URGCP: variants seen among roughly 807,000 people sequenced by gnomAD.
The protein encoded by URGCP is up-regulator of cell proliferation.
Under a neutral mutation model 24.6 loss-of-function variants are expected in URGCP, and 13 were observed. The ratio of observed to expected loss-of-function variants is 0.53; its 90% CI spans 0.34 to 0.84. The LOEUF is 0.84. URGCP is among the 40% of genes least tolerant of loss of function. The pLI is 0.01. For synonymous variants in URGCP, 444 were observed against 487.2 expected (o/e 0.91, Z 1.17); for missense variants, 899 against 1,194.3 (o/e 0.75, Z 3.64).
chr7:43,925,797 G>GTTTTTTTTTT (rs2095929053), intron 1 of URGCP, among the ~76,000 whole-genome samples: 1 of 37,532 alleles, frequency 2.7e-5, no homozygotes, highest in Non-Finnish European at 5.1e-5. Context: ...ACCTCGTCTG[G>GTTTTTTTTTT]CTTTTTTTTT....
intron 3 of URGCP, among the ~76,000 whole-genome samples, chr7:43,883,656 C>T (rs1264733732): frequency 1.3e-5 from 2 of 151,928 alleles, no homozygotes; most frequent in African/African-American, 2.4e-5. Flanking sequence ...CCACCTTGCC[C>T]GGCCCCAAAA....
At chr7:43,925,159 C>T (rs1301968652) in intron 1 of URGCP, among the ~76,000 whole-genome samples, 2 of 152,122 alleles carry the variant, frequency 1.3e-5, no homozygotes, top group African/African-American at 4.8e-5. Context: ...GTGTGGTAAG[C>T]TTTATATTTC....
intron 1 of URGCP, among the ~76,000 whole-genome samples, chr7:43,925,557 C>T (rs2095928400): frequency 6.6e-6 from 1 of 151,992 alleles, no homozygotes; most frequent in Admixed American, 6.6e-5. Flanking sequence ...TGGAGTGCAA[C>T]AGTGTGATCT....
At chr7:43,907,622 G>T (rs2095905577), upstream of URGCP, among the ~76,000 whole-genome samples, 1 of 152,198 alleles carries the variant, frequency 6.6e-6, no homozygotes, top group South Asian at 2.1e-4. Context: ...ACCTGTGTTG[G>T]AATCTGGGCT....
At chr7:43,896,559 T>A (rs1399097193) in intron 1 of URGCP, among the ~76,000 whole-genome samples, 1 of 151,934 alleles carries the variant, frequency 6.6e-6, no homozygotes, top group Admixed American at 6.6e-5. Flanking sequence ...ATTTATTACA[T>A]ACTTAGTGTC....
upstream of URGCP, chr7:43,926,688 G>A (rs1230029202): frequency 1.0e-6 from 1 of 958,828 alleles, no homozygotes; most frequent in Non-Finnish European, 1.4e-6. Flanking sequence ...GAAGGAGGCA[G>A]AACAGCCTCC....
rs181976184 is a variant in URGCP, at chr7:43,919,307, G to A, written c.-116+6825C>T. On this transcript the variant is annotated intron_variant, in intron 1 of 5. Coordinates refer to the URGCP transcript ENST00000426198. ...TGCAGAACGCAGACTGTGTGGTGGT[G>A]CTGCACAACACAGCCCTGAACCAGA... 60 of 829,380 alleles carry A rather than the reference G, an allele frequency of 7.2e-5. No homozygotes were observed. In the East Asian group the frequency reaches 1.4e-3, roughly 19 times the overall value. The allele number at this position is 829,380 out of a possible 1,614,324, so 51.4% of individuals were successfully genotyped here. A position where few individuals can be genotyped will look rare whatever the true frequency, so the allele number is the denominator to read the frequency against.
Position 43,877,102 on chromosome 7 carries a change from G to C in URGCP, c.2361C>G (p.Ile787Met). Residue 787 changes from isoleucine to methionine, a missense_variant, in exon 6 of 6, where the codon ATC (isoleucine) becomes ATG (methionine). Physicochemically the swap from Ile to Met is conservative, Grantham distance 10. Coordinates refer to ENST00000453200, the MANE Select transcript of URGCP (RefSeq NM_001077663.3). ...GAATGTCCTTGGTTTCAGCTAGACT[G>C]ATCACGGTGACATTGCTCAGTCCCA... ...LLMGLSNVTV[I>M]SLAETKDIPA... 1 of 1,614,240 alleles carries C rather than the reference G, an allele frequency of 6.2e-7. No individual in the cohort carries two copies. The highest frequency in any genetic ancestry group is 8.5e-7 in the Non-Finnish European group (1 of 1,180,036).
Position 43,881,659 on chromosome 7 carries a change from C to A in URGCP, c.202G>T (p.Val68Leu). Residue 68 changes from valine to leucine, a missense_variant and splice_region_variant, in exon 5 of 6, where the codon GTG becomes TTG. By Grantham distance (32) the Val-to-Leu change is conservative. Coordinates refer to ENST00000453200, the MANE Select transcript of URGCP (RefSeq NM_001077663.3). ...NEAQDNDFPT[V>L]ERSRLQEMLS... ...GAGAAAAGGCAGAGAAAATGCTTACCTGTTGGAAAATCATTGTCCTGAGCC... is the reference window on the plus strand; with the variant it reads ...GAGAAAAGGCAGAGAAAATGCTTACATGTTGGAAAATCATTGTCCTGAGCC... 4 of 1,614,010 alleles carry A rather than the reference C, an allele frequency of 2.5e-6. No homozygotes were observed. The highest frequency in any genetic ancestry group is 3.4e-6 in the Non-Finnish European group (4 of 1,180,016).
chr7:43,883,362 A>ATATTTTTTT (rs1554289259), intron 3 of URGCP, among the ~76,000 whole-genome samples: 8 of 88,282 alleles, frequency 9.1e-5, no homozygotes, highest in South Asian at 7.2e-4. Context: ...ATATATATAT[A>ATATTTTTTT]TTTTTTTTTT....
At position 43,906,587 on chromosome 7, in the gene URGCP, G is replaced by A; in HGVS notation, c.-12C>T. ...CCGGGCGACGCCATGAGCGCAGCGA[G>A]GTCTCCGCTCCCGCCTCCTTCGCTT... is the stretch of plus-strand genomic sequence containing the variant. On this transcript the variant is annotated 5_prime_UTR_variant, in exon 1 of 6. Coordinates refer to ENST00000453200, the MANE Select transcript of URGCP (RefSeq NM_001077663.3). The A allele has an allele frequency of 4.0e-6, 5 of 1,234,910 alleles. No homozygotes were observed. Among genetic ancestry groups the A allele is most frequent in the Non-Finnish European group, 5.1e-6 (5 of 980,906 alleles). 76.5% of individuals were successfully genotyped at this position (1,234,910 alleles called of 1,614,324 possible).
chr7:43,889,907 ATT>A (rs11386546), intron 1 of URGCP, among the ~76,000 whole-genome samples: 10 of 145,700 alleles, frequency 6.9e-5, no homozygotes, highest in African/African-American at 1.0e-4. Context: ...ACTGGAAGCA[ATT>A]TTTTTTTTTT....
chr7:43,906,530 C>CG, intron 1 of URGCP, 32 bp downstream of exon 1: 4 of 1,211,754 alleles, frequency 3.3e-6, no homozygotes, highest in Admixed American at 3.8e-5. Context: ...CCGGCAGCCG[C>CG]GGGGGCGCAG....
At chr7:43,880,410 C>CTAA (rs2095852081) in intron 5 of URGCP, among the ~76,000 whole-genome samples, 2 of 152,120 alleles carry the variant, frequency 1.3e-5, no homozygotes, top group Non-Finnish European at 2.9e-5. Context: ...CAGCACCTTA[C>CTAA]TAATGTTCAT....
At chr7:43,883,344 ATATATATATATATATATAT>A (rs2095857096) in intron 3 of URGCP, among the ~76,000 whole-genome samples, 3 of 99,608 alleles carry the variant, frequency 3.0e-5, no homozygotes, top group African/African-American at 1.5e-4. Context: ...ATACATATAT[ATATATATATATATATATAT>A]TTTTTTTTTT....
chr7:43,876,928 C>T lies in URGCP; in HGVS notation c.2535G>A (p.Leu845=). The T allele has an allele frequency of 3.1e-6, 5 of 1,614,100 alleles. No individual in the cohort carries two copies. The highest frequency in any genetic ancestry group is 4.2e-6 in the Non-Finnish European group (5 of 1,180,016). Residue 845 remains leucine, a synonymous_variant, in exon 6 of 6, where the codon CTG becomes CTA. Coordinates refer to ENST00000453200, the MANE Select transcript of URGCP (RefSeq NM_001077663.3). ...TCTCCATCTGGGCTGCAGCCCTGCT[C>T]AGGTCACCAGGTGGATCCAGGAGCT... ...KRQLLDPPGD[L]SRAAAQMEKQ...
rs888474380 is a variant in URGCP at position 43,891,844 on chromosome 7, G to A, written c.15-4028C>T. On this transcript the variant is annotated intron_variant, in intron 1 of 5. Coordinates refer to ENST00000453200, the MANE Select transcript of URGCP (RefSeq NM_001077663.3). ...GTCTCCCAGGCTGGAGTGCAGTGAC[G>A]CCATCTCGGCTCACTGTAACCTACG... 4.6e-5 allele frequency among the ~76,000 whole-genome samples: 7 copies of A among 151,098 alleles called. No individual in the cohort carries two copies. In the South Asian group the frequency reaches 1.3e-3, roughly 27 times the overall value.
Position 43,879,185 on chromosome 7 carries a change from T to G in URGCP, c.278A>C (p.Gln93Pro). The part of the protein sequence containing the change: ...ETYQVQKLSL[Q>P]DSLQISFDSM... ...GTCAAAACTGATCTGCAGAGAGTCC[T>G]GGAGGCTGAGTTTCTGGACCTGGTA... Residue 93 changes from glutamine to proline, a missense_variant, in exon 6 of 6, where the codon CAG (glutamine) becomes CCG (proline). Physicochemically the swap from Gln to Pro is moderately conservative, Grantham distance 76 (BLOSUM62 -1). Transcript: ENST00000453200. The G allele has an allele frequency of 6.2e-7, 1 of 1,614,018 alleles. No homozygotes were observed. Among genetic ancestry groups the G allele is most frequent in the Non-Finnish European group, 8.5e-7 (1 of 1,180,038 alleles).
In URGCP at chr7:43,899,518, A is replaced by C. The variant is rs370446881; in HGVS notation, c.14+7044T>G. On this transcript the variant is annotated intron_variant, in intron 1 of 5. Coordinates refer to ENST00000453200, the MANE Select transcript of URGCP (RefSeq NM_001077663.3). ...TGTGAAAAAATATTTATGAAATAAC[A>C]ATCAGGAAAATTTTGAAAAAGAACA... is the stretch of plus-strand genomic sequence containing the variant. 3.3e-5 allele frequency among the ~76,000 whole-genome samples: 5 copies of C among 152,100 alleles called. No homozygotes were observed. In the South Asian group the frequency reaches 1.0e-3, roughly 31 times the overall value.
Sources: allele counts gnomAD v4.1 joint callset (sites outside exome capture counted in the v4.1 genomes callset), GRCh38; gene constraint gnomAD v4.1.1; transcripts MANE v1.5; gene names NCBI Gene and HGNC (gene_info 2026-07-23, HGNC 2026-07-21).